The following MTO1 variants were observed in gnomAD, a reference collection of about 807,000 sequenced individuals.
MTO1 encodes mitochondrial tRNA translation optimization 1.
A neutral mutation model predicts 71.6 loss-of-function variants in MTO1; 46 were observed. The observed-to-expected ratio is 0.64, with a 90% CI of 0.51 to 0.82. The LOEUF (loss-of-function observed/expected upper bound fraction) is 0.82. Ranked by LOEUF, MTO1 falls within the 40% of genes least tolerant of loss-of-function variation. The probability of loss-of-function intolerance (pLI) is 0.00; values close to 1 mark genes in which losing one functional copy is unlikely to be tolerated. For missense variants in MTO1, 773 were observed against 867.5 expected (o/e 0.89, Z 1.37); for synonymous variants, 297 against 312.1 (o/e 0.95, Z 0.51).
At chr6:73,479,506 A>G (rs1258230553) in intron 4 of MTO1, among the ~76,000 whole-genome samples, 3 of 152,156 alleles carry the variant, frequency 2.0e-5, no homozygotes, top group African/African-American at 7.2e-5. Flanking sequence ...AAAAATAAAA[A>G]CATTAAAAAA....
At chr6:73,465,459 C>T (rs79362168) in intron 1 of MTO1, among the ~76,000 whole-genome samples, 8,356 of 152,018 alleles carry the variant, frequency 0.055, 710 homozygotes, top group African/African-American at 0.18. Context: ...CCACCACACC[C>T]GGCCCTGTTT....
chr6:73,462,946 C>T (rs1770871587), intron 1 of MTO1, among the ~76,000 whole-genome samples: 2 of 151,826 alleles, frequency 1.3e-5, no homozygotes, highest in Admixed American at 6.6e-5. Context: ...ATTGCAGGTG[C>T]TCAGTACTCT....
intron 10 of MTO1, among the ~76,000 whole-genome samples, chr6:73,495,742 C>T (rs1335591159): frequency 2.6e-5 from 4 of 152,010 alleles, no homozygotes; most frequent in African/African-American, 4.8e-5. Flanking sequence ...CCCTTATATA[C>T]CTTTAGCATA....
intron 10 of MTO1, among the ~76,000 whole-genome samples, chr6:73,494,469 C>CT (rs1241886347): frequency 5.6e-5 from 8 of 142,976 alleles, no homozygotes; most frequent in South Asian, 2.2e-4. Context: ...GTGGCATTTT[C>CT]TTTTTTTTTC....
chr6:73,493,195 C>A (rs935358528), intron 10 of MTO1, among the ~76,000 whole-genome samples: 2 of 151,702 alleles, frequency 1.3e-5, no homozygotes, highest in African/African-American at 4.8e-5. Context: ...GGGGTTTCAC[C>A]ATGTTGGCCA....
At chr6:73,491,572 G>A (rs1347037854) in intron 9 of MTO1, among the ~76,000 whole-genome samples, 1 of 152,146 alleles carries the variant, frequency 6.6e-6, no homozygotes, top group Non-Finnish European at 1.5e-5. Flanking sequence ...GCAAAAGGAT[G>A]ACTAATTCAC....
intron 1 of MTO1, 111 bp from the exon 2 acceptor site, chr6:73,466,098 T>C: frequency 1.9e-6 from 2 of 1,035,956 alleles, no homozygotes; most frequent in African/African-American, 1.6e-5. Context: ...ACGTTTTCTA[T>C]TTTTTATCAT....
rs1772148144 is a variant in MTO1 at position 73,501,093 on chromosome 6, T to G, written c.*358T>G. ...GTCTACCAAATTAAAAGTCTTATCA[T>G]TCAGCGTGTTTTGAGAGTTAATAAT... On this transcript the variant is annotated 3_prime_UTR_variant, in exon 12 of 12. Coordinates refer to ENST00000498286, the MANE Select transcript of MTO1 (RefSeq NM_012123.4). 6.2e-6 allele frequency: 1 copy of G among 160,046 alleles called. No individual in the cohort carries two copies. The allele number at this position is 160,046 out of a possible 1,614,324, so 9.9% of individuals were successfully genotyped here. A position where few individuals can be genotyped will look rare whatever the true frequency, so the allele number is the denominator to read the frequency against.
At chr6:73,482,382 T>G (rs1264408016) in intron 8 of MTO1, 67 bp from the exon 9 acceptor site, 2 of 1,549,138 alleles carry the variant, frequency 1.3e-6, no homozygotes, top group Non-Finnish European at 1.8e-6. Context: ...AGTGAGACAC[T>G]GTCTCTACAA....
At chr6:73,494,936 C>T (rs1315170836) in intron 10 of MTO1, among the ~76,000 whole-genome samples, 2 of 151,972 alleles carry the variant, frequency 1.3e-5, no homozygotes, top group Middle Eastern at 3.2e-3. Flanking sequence ...CGCACCACCA[C>T]ACCTGGCTAA....
At chr6:73,471,445 C>A (rs774794983) in intron 3 of MTO1, 4 of 448,622 alleles carry the variant, frequency 8.9e-6, no homozygotes, top group South Asian at 6.3e-5. Flanking sequence ...GACAAGTTCT[C>A]TCCCTCTTTC....
Position 73,462,125 on chromosome 6 carries a change from C to T in MTO1, c.217+54C>T, listed in dbSNP as rs772455165. ...GCGTAGGACGCAGGCTGCTTCCTTC[C>T]CGCCTCCCCCGGTCTGAAGCGGGGG... On this transcript the variant is annotated intron_variant, in intron 1 of 11. Coordinates refer to ENST00000498286, the MANE Select transcript of MTO1 (RefSeq NM_012123.4). 66 of 1,565,376 alleles carry T rather than the reference C, an allele frequency of 4.2e-5. No individual in the cohort carries two copies. The African/African-American group carries it at 7.2e-4, about 17-fold the overall frequency.
At position 73,505,195 on chromosome 6, in the gene MTO1, T is replaced by G. The variant is rs1185603661; in HGVS notation, c.*4460T>G. The G allele has an allele frequency of 2.0e-5, 3 of 151,904 alleles. No individual in the cohort carries two copies. The highest frequency in any genetic ancestry group is 4.4e-5 in the Non-Finnish European group (3 of 68,002). 9.4% of individuals were successfully genotyped at this position (151,904 alleles called of 1,614,324 possible). A position where few individuals can be genotyped will look rare whatever the true frequency, so the allele number is the denominator to read the frequency against. On this transcript the variant is annotated 3_prime_UTR_variant, in exon 12 of 12. Transcript: ENST00000498286. Reference sequence around the variant, plus strand: ...CAAGACTGTCTCAAAAAAAAAAAATTTGTACAGTCATGTTCAAAGTAGCAT... The same window carrying G: ...CAAGACTGTCTCAAAAAAAAAAAATGTGTACAGTCATGTTCAAAGTAGCAT...
chr6:73,473,377 C>G lies in MTO1; in HGVS notation c.548C>G (p.Thr183Arg). ...TCTTGTTATTTAGTGGATGGAAGCA[C>G]AGTATATGCAGAGAGTGTGATTCTG... is the stretch of plus-strand genomic sequence containing the variant. ...VSGVVLVDGS[T>R]VYAESVILTT... Residue 183 changes from threonine to arginine, a missense_variant, in exon 4 of 12, where the codon ACA (threonine) becomes AGA (arginine). Thr to Arg is a moderately conservative substitution (Grantham distance 71, BLOSUM62 -1). Coordinates refer to ENST00000498286, the MANE Select transcript of MTO1 (RefSeq NM_012123.4). The G allele has an allele frequency of 1.2e-6, 2 of 1,606,090 alleles. No homozygotes were observed. Among genetic ancestry groups the G allele is most frequent in the Non-Finnish European group, 1.7e-6 (2 of 1,175,338 alleles).
rs1772145446 is a variant in MTO1, at chr6:73,501,004, A to G, written c.*269A>G. 1 of 250,224 alleles carries G rather than the reference A, an allele frequency of 4.0e-6. No individual in the cohort carries two copies. The highest frequency in any genetic ancestry group is 1.7e-4 in the South Asian group (1 of 5,940). The allele number at this position is 250,224 out of a possible 1,614,324, so 15.5% of individuals were successfully genotyped here. A position where few individuals can be genotyped will look rare whatever the true frequency, so the allele number is the denominator to read the frequency against. ...ATCAAAGAGAGAGACAGTGAACCTA[A>G]AACTGAACCTGGAATAAAACTCAAC... On this transcript the variant is annotated 3_prime_UTR_variant, in exon 12 of 12. Coordinates refer to ENST00000498286, the MANE Select transcript of MTO1 (RefSeq NM_012123.4).
At chr6:73,479,597 T>C (rs1396524703) in intron 4 of MTO1, 135 bp from the exon 5 acceptor site, 6 of 597,500 alleles carry the variant, frequency 1.0e-5, no homozygotes, top group Non-Finnish European at 1.4e-5. Context: ...GCAAGAATAC[T>C]TCATAAGTAA....
At position 73,505,568 on chromosome 6, in the gene MTO1, G is replaced by A. The variant is rs984439868; in HGVS notation, c.*4833G>A. On this transcript the variant is annotated 3_prime_UTR_variant, in exon 12 of 12. Transcript: ENST00000498286. ...GTTTTTTTGTTTTGTTTTTGTTTTT[G>A]TTTTTGAGATGGAGCCTCACACTGT... The A allele has an allele frequency of 1.3e-5, 2 of 151,642 alleles. No homozygotes were observed. The highest frequency in any genetic ancestry group is 1.3e-4 in the Admixed American group (2 of 15,194). The allele number at this position is 151,642 out of a possible 1,614,324, so 9.4% of individuals were successfully genotyped here. A position where few individuals can be genotyped will look rare whatever the true frequency, so the allele number is the denominator to read the frequency against.
chr6:73,496,273 T>G (rs760504584), intron 10 of MTO1, among the ~76,000 whole-genome samples: 2 of 152,150 alleles, frequency 1.3e-5, no homozygotes, highest in Non-Finnish European at 2.9e-5. Flanking sequence ...CACCTCAATT[T>G]AGGTTTTAAA....
intron 10 of MTO1, among the ~76,000 whole-genome samples, chr6:73,493,444 G>T (rs1771885859): frequency 6.6e-6 from 1 of 151,178 alleles, no homozygotes; most frequent in Non-Finnish European, 1.5e-5. Flanking sequence ...AGGCTGGAGT[G>T]CAATGGTGCA....
Sources: gnomAD v4.1 joint callset for allele counts (sites outside exome capture counted in the v4.1 genomes callset) on GRCh38, gnomAD v4.1.1 for gene constraint, MANE v1.5 for transcripts, NCBI Gene and HGNC (gene_info 2026-07-23, HGNC 2026-07-21) for gene names.